Variants in KCND3 observed in about 807,000 individuals in gnomAD.
The protein encoded by KCND3 is A-type voltage-gated potassium channel KCND3.
In KCND3, 9 loss-of-function variants were observed where a neutral mutation model predicts 51.1. The observed-to-expected ratio is 0.18, with a 90% CI of 0.11 to 0.31. KCND3 has a LOEUF of 0.31. Ranked by LOEUF, KCND3 falls within the 10% of genes least tolerant of loss-of-function variation. The pLI, the probability that KCND3 is intolerant of heterozygous loss-of-function variation, is 1.00. For missense variants in KCND3, 526 were observed against 903.8 expected (o/e 0.58, Z 5.36); for synonymous variants, 349 against 368.0 (o/e 0.95, Z 0.59).
At chr1:111,931,726 C>T (rs1319314810) in intron 2 of KCND3, among the ~76,000 whole-genome samples, 1 of 152,132 alleles carries the variant, frequency 6.6e-6, no homozygotes, top group East Asian at 1.9e-4. Context: ...TAAGTGCTTG[C>T]TAGCATGATT....
chr1:111,804,425 TACA>T (rs1394324899), intron 2 of KCND3, among the ~76,000 whole-genome samples: 1 of 152,234 alleles, frequency 6.6e-6, no homozygotes, highest in Non-Finnish European at 1.5e-5. Flanking sequence ...ACCCTCCCTT[TACA>T]ACATTTCTGC....
intron 2 of KCND3, among the ~76,000 whole-genome samples, chr1:111,891,449 G>C (rs1207783231): frequency 1.3e-5 from 2 of 152,212 alleles, no homozygotes; most frequent in African/African-American, 2.4e-5. Flanking sequence ...GATGCAGAAG[G>C]CTTGCTGGAG....
intron 2 of KCND3, among the ~76,000 whole-genome samples, chr1:111,954,088 G>A (rs1673198118): frequency 6.6e-6 from 1 of 152,192 alleles, no homozygotes; most frequent in Admixed American, 6.5e-5. Context: ...CGCTCCCAAA[G>A]ATGGAAGGCC....
At chr1:111,965,228 G>A (rs978697923) in intron 2 of KCND3, among the ~76,000 whole-genome samples, 1 of 151,956 alleles carries the variant, frequency 6.6e-6, no homozygotes, top group Admixed American at 6.6e-5. Context: ...TGGGTCAGAG[G>A]CTCATCTAAG....
rs1171042426 is a variant in KCND3 at position 111,780,836 on chromosome 1, CA to C, written c.1270-46del. ...TAAAAGAATGAGGCAGACCATGATA[CA>C]AAAAGACAGCAAGGCTGGTGAAGCT... On this transcript the variant is annotated intron_variant, in intron 3 of 7. Transcript: ENST00000302127. This position sits in a 1 kb window ranked among gnomAD's most constrained non-coding sequence, Gnocchi z 4.2. The C allele has an allele frequency of 1.3e-6, 2 of 1,512,750 alleles. No homozygotes were observed. The highest frequency in any genetic ancestry group is 1.8e-6 in the Non-Finnish European group (2 of 1,100,184). The allele number at this position is 1,512,750 out of a possible 1,614,324, so 93.7% of individuals were successfully genotyped here.
chr1:111,893,132 C>T (rs1377724320), intron 2 of KCND3, among the ~76,000 whole-genome samples: 2 of 152,226 alleles, frequency 1.3e-5, no homozygotes, highest in Non-Finnish European at 2.9e-5. Context: ...TCTGAAGGCT[C>T]ACAGTCCAGA....
intron 2 of KCND3, among the ~76,000 whole-genome samples, chr1:111,809,166 G>A (rs970698049): frequency 6.6e-6 from 1 of 152,214 alleles, no homozygotes; most frequent in South Asian, 2.1e-4. Context: ...GTTGAAGGTA[G>A]AGGTGGAAAC....
At chr1:111,910,544 C>T (rs762870019) in intron 2 of KCND3, among the ~76,000 whole-genome samples, 106 of 152,302 alleles carry the variant, frequency 7.0e-4, no homozygotes, top group Non-Finnish European at 1.2e-3. Flanking sequence ...CAGCTTAGTC[C>T]CTGGGGAGAT....
intron 2 of KCND3, among the ~76,000 whole-genome samples, chr1:111,789,372 A>G (rs1368960955): frequency 6.6e-6 from 1 of 152,192 alleles, no homozygotes; most frequent in East Asian, 1.9e-4. Flanking sequence ...AACAAATGCC[A>G]AAAAGAAGGA....
At chr1:111,989,032 G>A (rs1398353092) in intron 1 of KCND3, 1 of 152,210 alleles carries the variant, frequency 6.6e-6, no homozygotes, top group Non-Finnish European at 1.5e-5. Flanking sequence ...TGGAAGTGGC[G>A]TCGGGCAGGA....
chr1:111,800,493 ACCCTGCCAAATCCCCCTCT>A (rs911863500), intron 2 of KCND3, among the ~76,000 whole-genome samples: 2 of 133,232 alleles, frequency 1.5e-5, no homozygotes, highest in African/African-American at 5.7e-5. Context: ...TTGTCCCATG[ACCCTGCCAAATCCCCCTCT>A]GTGAGAAACA....
chr1:111,852,617 A>G (rs1467692254), intron 2 of KCND3, among the ~76,000 whole-genome samples: 1 of 152,222 alleles, frequency 6.6e-6, no homozygotes, highest in Non-Finnish European at 1.5e-5. Flanking sequence ...TTAATTACGC[A>G]CACACCAAGC....
chr1:111,977,862 T>C (rs1674725930), intron 2 of KCND3, among the ~76,000 whole-genome samples: 1 of 152,236 alleles, frequency 6.6e-6, no homozygotes, highest in Admixed American at 6.5e-5. Flanking sequence ...TTATTTAATA[T>C]TGGGAGTTCT....
At chr1:111,847,391 A>G (rs34583356) in intron 2 of KCND3, among the ~76,000 whole-genome samples, 5 of 152,126 alleles carry the variant, frequency 3.3e-5, no homozygotes, top group African/African-American at 4.8e-5. Flanking sequence ...GGGCTCGCCT[A>G]TGCCTCTTAT....
At chr1:111,905,090 A>T (rs1480564821) in intron 2 of KCND3, among the ~76,000 whole-genome samples, 1 of 152,182 alleles carries the variant, frequency 6.6e-6, no homozygotes, top group Admixed American at 6.5e-5. Flanking sequence ...GGCTCATCAG[A>T]GCCTTTCATG....
At chr1:111,855,525 T>G (rs1333546043) in intron 2 of KCND3, among the ~76,000 whole-genome samples, 1 of 152,164 alleles carries the variant, frequency 6.6e-6, no homozygotes, top group East Asian at 1.9e-4. Context: ...GAGAAGGCTG[T>G]GGAGGGGATC....
chr1:111,908,612 C>T (rs766405210), intron 2 of KCND3, among the ~76,000 whole-genome samples: 105 of 152,158 alleles, frequency 6.9e-4, no homozygotes, highest in Admixed American at 1.7e-3. Context: ...CTCTTTCCCA[C>T]CTCCTGCCCA....
At chr1:111,903,927 C>G (rs1670512825) in intron 2 of KCND3, among the ~76,000 whole-genome samples, 1 of 152,168 alleles carries the variant, frequency 6.6e-6, no homozygotes, top group Non-Finnish European at 1.5e-5. Flanking sequence ...AATGTCCAGA[C>G]TGAGGGAGCT....
intron 2 of KCND3, among the ~76,000 whole-genome samples, chr1:111,811,134 G>A (rs866890012): frequency 4.6e-5 from 7 of 152,180 alleles, no homozygotes; most frequent in Middle Eastern, 3.2e-3. Context: ...AATGGGGGAA[G>A]GTCCTGGTTC....
Sources: allele counts gnomAD v4.1 joint callset (sites outside exome capture counted in the v4.1 genomes callset), GRCh38; gene constraint gnomAD v4.1.1; non-coding constraint Gnocchi (gnomAD v3.1); transcripts MANE v1.5; gene names NCBI Gene and HGNC (gene_info 2026-07-23, HGNC 2026-07-21).